DVL1: variants seen among roughly 807,000 people sequenced by gnomAD.
The protein encoded by DVL1 is dishevelled segment polarity protein 1.
DVL1 carries 49 observed loss-of-function variants against 65.0 expected under a neutral mutation model. The observed-to-expected ratio is 0.75, with a 90% CI of 0.60 to 0.96. The LOEUF is 0.96. Ranked by LOEUF, DVL1 falls within the 40% of genes least tolerant of loss-of-function variation. The pLI is 0.00. For synonymous variants in DVL1, 608 were observed against 433.9 expected (o/e 1.40, Z -4.99); for missense variants, 1,197 against 1,045.4 (o/e 1.15, Z -2.00).
chr1:1,339,125 T>A (rs544579411), intron 11 of DVL1, among the ~76,000 whole-genome samples, 162 bp downstream of exon 11: 2 of 152,304 alleles, frequency 1.3e-5, no homozygotes, highest in African/African-American at 4.8e-5. Flanking sequence ...CTGCACAAGG[T>A]GGGCACGGGT....
At position 1,338,643 on chromosome 1, in the gene DVL1, C is replaced by T. The variant is rs1643675765; in HGVS notation, c.1218G>A (p.Glu406=). 5.0e-6 allele frequency: 8 copies of T among 1,609,756 alleles called. No individual in the cohort carries two copies. The highest frequency in any genetic ancestry group is 1.1e-5 in the South Asian group (1 of 91,074). The change falls in exon 12 of 15, where the codon GAG becomes GAA. Residue 406 remains glutamate, a synonymous_variant. Coordinates refer to ENST00000378888, the MANE Select transcript of DVL1 (RefSeq NM_001330311.2). ...SSVPGAPQLE[E]APLTVKSDMS... ...TGTCACTCTTCACCGTCAGCGGCGC[C>T]TCTTCCAGCTCTGCAAAGCACAGAC...
intron 1 of DVL1, among the ~76,000 whole-genome samples, chr1:1,343,852 G>C (rs1055284192): frequency 2.0e-5 from 3 of 152,242 alleles, no homozygotes; most frequent in Admixed American, 6.5e-5. Context: ...TAGAGGGGCA[G>C]CAGGGGATGC....
chr1:1,338,521 C>T lies in DVL1; in HGVS notation c.1339+1G>A, dbSNP rs1378732657. 1.2e-6 allele frequency: 2 copies of T among 1,612,474 alleles called. No homozygotes were observed. Among genetic ancestry groups the T allele is most frequent in the Non-Finnish European group, 1.7e-6 (2 of 1,179,742 alleles). On this transcript the variant is annotated splice_donor_variant, in intron 12 of 14. Transcript: ENST00000378888. LOFTEE classifies it high-confidence loss of function. ...ATCCGCCCGCGGGGACGGCCACTCA[C>T]CGATGACGGCATTGGCGATGGTGAT...
At chr1:1,343,130 TAGG>T (rs1300610042) in intron 1 of DVL1, among the ~76,000 whole-genome samples, 1 of 152,008 alleles carries the variant, frequency 6.6e-6, no homozygotes, top group Non-Finnish European at 1.5e-5. Context: ...AGCCCCCAGG[TAGG>T]AGGACAGCTA....
At chr1:1,337,955 C>G in intron 14 of DVL1, 22 bp downstream of exon 14, 1 of 1,601,294 alleles carries the variant, frequency 6.2e-7, no homozygotes, top group Non-Finnish European at 8.5e-7. Flanking sequence ...CGGGGAAGGG[C>G]AGGTAGGGGC....
At position 1,338,621 on chromosome 1, in the gene DVL1, C is replaced by T. The variant is rs746424149; in HGVS notation, c.1240G>A (p.Asp414Asn). 1 of 1,611,710 alleles carries T rather than the reference C, an allele frequency of 6.2e-7. No individual in the cohort carries two copies. Among genetic ancestry groups the T allele is most frequent in the South Asian group, 1.1e-5 (1 of 91,080 alleles). Residue 414 changes from aspartate (D) to asparagine (N), a missense_variant, in exon 12 of 15, where the codon GAC (aspartate) becomes AAC (asparagine). Coordinates refer to ENST00000378888, the MANE Select transcript of DVL1 (RefSeq NM_001330311.2). ...LEEAPLTVKS[D>N]MSAVVRVMQL... The stretch of plus-strand genomic sequence containing the variant: ...ATGACCCGGACGACGGCGCTCATGT[C>T]ACTCTTCACCGTCAGCGGCGCCTCT...
At position 1,349,123 on chromosome 1, in the gene DVL1, G is replaced by A; in HGVS notation, c.-58C>T. The A allele has an allele frequency of 9.9e-7, 1 of 1,014,830 alleles. No individual in the cohort carries two copies. Among genetic ancestry groups the A allele is most frequent in the Middle Eastern group, 4.5e-4 (1 of 2,236 alleles). 62.9% of individuals were successfully genotyped at this position (1,014,830 alleles called of 1,614,324 possible). A position where few individuals can be genotyped will look rare whatever the true frequency, so the allele number is the denominator to read the frequency against. On this transcript the variant is annotated 5_prime_UTR_variant, in exon 1 of 15. Transcript: ENST00000378888. The surrounding 1 kb of genome is among the most constrained non-coding windows in gnomAD (Gnocchi z 4.1). The stretch of plus-strand genomic sequence containing the variant: ...GGGCCCGGCCCGGGGCTCGGACGCG[G>A]GGCGCTACCCGCCCGCCCGCCTGCG...
chr1:1,348,872 G>A, intron 1 of DVL1, 24 bp downstream of exon 1: 2 of 1,510,716 alleles, frequency 1.3e-6, no homozygotes, highest in Non-Finnish European at 1.8e-6. Context: ...CGCCAGGCTC[G>A]CGCAGGCCTC....
At chr1:1,347,958 A>C (rs1643943516) in intron 1 of DVL1, among the ~76,000 whole-genome samples, 2 of 152,202 alleles carry the variant, frequency 1.3e-5, no homozygotes, top group African/African-American at 4.8e-5. Context: ...GGGCTGCCTG[A>C]GGACCCTGCA....
chr1:1,340,577 T>C (rs1356234566), intron 5 of DVL1, 74 bp from the exon 6 acceptor site: 2 of 1,472,106 alleles, frequency 1.4e-6, no homozygotes, highest in Non-Finnish European at 1.9e-6. Flanking sequence ...CCCCCAATAC[T>C]GAGTGGGAAT....
intron 5 of DVL1, among the ~76,000 whole-genome samples, 168 bp from the exon 6 acceptor site, chr1:1,340,671 G>C (rs908562951): frequency 6.6e-6 from 1 of 152,196 alleles, no homozygotes; most frequent in African/African-American, 2.4e-5. Flanking sequence ...ATATGCATAT[G>C]AGCACACACG....
Position 1,336,048 on chromosome 1 carries a change from T to G in DVL1, c.*94A>C, listed in dbSNP as rs1569666879. On this transcript the variant is annotated 3_prime_UTR_variant, in exon 15 of 15. Transcript: ENST00000378888. Reference sequence around the variant, plus strand: ...AGCCTGCCCCCCACCCTGCCTCCCGTCCTGGCCCCCACGAAGGCAAGCCCA... The same window carrying G: ...AGCCTGCCCCCCACCCTGCCTCCCGGCCTGGCCCCCACGAAGGCAAGCCCA... 9 of 1,488,198 alleles carry G rather than the reference T, an allele frequency of 6.0e-6. No homozygotes were observed. The East Asian group carries it at 2.2e-4, about 37-fold the overall frequency. 92.2% of individuals were successfully genotyped at this position (1,488,198 alleles called of 1,614,324 possible).
In DVL1 at chr1:1,339,738, C is replaced by A; in HGVS notation, c.984G>T (p.Thr328=). 1 of 1,613,176 alleles carries A rather than the reference C, an allele frequency of 6.2e-7. No individual in the cohort carries two copies. The highest frequency in any genetic ancestry group is 8.5e-7 in the Non-Finnish European group (1 of 1,179,918). Residue 328 remains threonine, a splice_region_variant and synonymous_variant, in exon 9 of 15, where the codon ACG becomes ACT. Transcript: ENST00000378888. ...VRVLREIVSQ[T]GPISLTVAKC... ...GCTCCAGCGCCCCCAGCCCTCACCC[C>A]GTCTGGGAAACGATCTCCCGCAGCA...
intron 11 of DVL1, 94 bp from the exon 12 acceptor site, chr1:1,338,747 G>A: frequency 6.7e-7 from 1 of 1,496,796 alleles, no homozygotes; most frequent in Non-Finnish European, 8.9e-7. Context: ...GGCAGAGCCT[G>A]CGCCAGGGCG....
Position 1,347,218 on chromosome 1 carries a change from A to G in DVL1, c.170+1678T>C, listed in dbSNP as rs544203690. Among the ~76,000 whole-genome samples, 553 of 151,890 alleles carry G rather than the reference A, an allele frequency of 3.6e-3. 4 individuals are homozygous for G. Among genetic ancestry groups the G allele is most frequent in the African/African-American group, 0.012 (500 of 41,388 alleles). ...AGCCCAGCCCAGCCCTGACCTCTGCAGCCCCACTGACTCCCAGCCCCCTGT... is the reference window on the plus strand; with the variant it reads ...AGCCCAGCCCAGCCCTGACCTCTGCGGCCCCACTGACTCCCAGCCCCCTGT... On this transcript the variant is annotated intron_variant, in intron 1 of 14. Coordinates refer to ENST00000378888, the MANE Select transcript of DVL1 (RefSeq NM_001330311.2).
At chr1:1,337,184 G>T (rs916495322) in intron 14 of DVL1, 27 of 744,028 alleles carry the variant, frequency 3.6e-5, no homozygotes, top group African/African-American at 9.6e-5. Flanking sequence ...GCAAGCGCCG[G>T]TCGAGGGTCA....
At position 1,336,055 on chromosome 1, in the gene DVL1, C is replaced by A. The variant is rs1643558893; in HGVS notation, c.*87G>T. Reference sequence around the variant, plus strand: ...CCCCCACCCTGCCTCCCGTCCTGGCCCCCACGAAGGCAAGCCCACGCGAGC... The same window carrying A: ...CCCCCACCCTGCCTCCCGTCCTGGCACCCACGAAGGCAAGCCCACGCGAGC... On this transcript the variant is annotated 3_prime_UTR_variant, in exon 15 of 15. Transcript: ENST00000378888. 3.3e-6 allele frequency: 5 copies of A among 1,502,524 alleles called. No homozygotes were observed. Among genetic ancestry groups the A allele is most frequent in the Non-Finnish European group, 4.4e-6 (5 of 1,125,014 alleles). The allele number at this position is 1,502,524 out of a possible 1,614,324, so 93.1% of individuals were successfully genotyped here. A position where few individuals can be genotyped will look rare whatever the true frequency, so the allele number is the denominator to read the frequency against.
At position 1,338,104 on chromosome 1, in the gene DVL1, A is replaced by T; in HGVS notation, c.1587T>A (p.Ala529=). 1 of 1,610,024 alleles carries T rather than the reference A, an allele frequency of 6.2e-7. No homozygotes were observed. The highest frequency in any genetic ancestry group is 8.5e-7 in the Non-Finnish European group (1 of 1,178,846). ...QDTLAPLPHP[A]APWPLGQGYP... ...AGCCCTGACCCAGAGGCCAGGGGGC[A>T]GCCGGGTGGGGCAGCGGGGCCAGCG... The change falls in exon 14 of 15, where the codon GCT becomes GCA. Residue 529 remains alanine, a synonymous_variant. Transcript: ENST00000378888.
rs749359881 is a variant in DVL1 at position 1,339,854 on chromosome 1, G to A, written c.910-42C>T. The A allele has an allele frequency of 2.6e-6, 4 of 1,516,652 alleles. No individual in the cohort carries two copies. The East Asian group carries it at 7.4e-5, about 28-fold the overall frequency. The allele number at this position is 1,516,652 out of a possible 1,614,324, so 93.9% of individuals were successfully genotyped here. On this transcript the variant is annotated intron_variant, in intron 8 of 14. Coordinates refer to ENST00000378888, the MANE Select transcript of DVL1 (RefSeq NM_001330311.2). The stretch of plus-strand genomic sequence containing the variant: ...TAGGGTGGTGCAGGCAGGATGTGCA[G>A]CTCAGTCCACCGCCCCCGCAGACCC...
Sources: allele counts gnomAD v4.1 joint callset (sites outside exome capture counted in the v4.1 genomes callset), GRCh38; gene constraint gnomAD v4.1.1; non-coding constraint Gnocchi (gnomAD v3.1); transcripts MANE v1.5; gene names NCBI Gene and HGNC (gene_info 2026-07-23, HGNC 2026-07-21).